The following VIRMA variants were observed in gnomAD, a reference collection of about 807,000 sequenced individuals.
VIRMA encodes protein virilizer homolog.
In VIRMA, 65 loss-of-function variants were observed where a neutral mutation model predicts 182.4. The ratio of observed to expected loss-of-function variants is 0.36; its 90% CI spans 0.29 to 0.44. The LOEUF is 0.44. Ranked by LOEUF, VIRMA falls within the 20% of genes least tolerant of loss-of-function variation. The probability of loss-of-function intolerance (pLI) is 1.00; values close to 1 mark genes in which losing one functional copy is unlikely to be tolerated. For missense variants in VIRMA, 1,752 were observed against 2,158.1 expected (o/e 0.81, Z 3.73); for synonymous variants, 709 against 743.1 (o/e 0.95, Z 0.75).
intron 3 of VIRMA, among the ~76,000 whole-genome samples, chr8:94,537,885 A>C (rs903408691): frequency 6.6e-6 from 1 of 152,226 alleles, no homozygotes; most frequent in Non-Finnish European, 1.5e-5. Flanking sequence ...ATGGAATTAT[A>C]AATTGCACAG....
chr8:94,510,953 A>G, intron 13 of VIRMA: 12 of 1,319,400 alleles, frequency 9.1e-6, no homozygotes, highest in Non-Finnish European at 1.2e-5. Context: ...TGTAAGTACA[A>G]ACATACATAA....
Position 94,512,010 on chromosome 8 carries a change from G to A in VIRMA, c.2831C>T (p.Pro944Leu), listed in dbSNP as rs141916557. The change falls in exon 12 of 24, where the codon CCA becomes CTA. Residue 944 changes from proline (P) to leucine (L), a missense_variant. Transcript: ENST00000297591. Reference sequence around the variant, plus strand: ...AGCCACATTACCTTCAACAGGAGGTGGTGGGCATGCAACATTACAGAGAAC... The same window carrying A: ...AGCCACATTACCTTCAACAGGAGGTAGTGGGCATGCAACATTACAGAGAAC... ...LRVLCNVACP[P>L]PPVEGQQKDL... is the part of the protein sequence containing the mutation. The A allele has an allele frequency of 6.5e-7, 1 of 1,526,986 alleles. No homozygotes were observed. The highest frequency in any genetic ancestry group is 8.8e-7 in the Non-Finnish European group (1 of 1,134,678). 94.6% of individuals were successfully genotyped at this position (1,526,986 alleles called of 1,614,324 possible).
At chr8:94,523,621 C>T (rs1453507709) in intron 8 of VIRMA, among the ~76,000 whole-genome samples, 8 of 152,038 alleles carry the variant, frequency 5.3e-5, no homozygotes, top group African/African-American at 1.2e-4. Flanking sequence ...CCCTATGTTG[C>T]CCAGGCTGGC....
intron 15 of VIRMA, 101 bp from the exon 16 acceptor site, chr8:94,506,818 C>A (rs947463123): frequency 1.5e-6 from 1 of 658,244 alleles, no homozygotes; most frequent in Non-Finnish European, 2.6e-6. Flanking sequence ...ATAACTATCT[C>A]ATTAAAATAT....
intron 15 of VIRMA, among the ~76,000 whole-genome samples, chr8:94,507,364 A>G (rs1425840020): frequency 2.6e-5 from 4 of 151,566 alleles, no homozygotes; most frequent in African/African-American, 9.7e-5. Flanking sequence ...TGAACTCCTG[A>G]CCTCAGGTGA....
intron 15 of VIRMA, among the ~76,000 whole-genome samples, chr8:94,509,393 C>T (rs1355124345): frequency 1.9e-4 from 29 of 150,180 alleles, no homozygotes; most frequent in Non-Finnish European, 3.8e-4. Flanking sequence ...CAGAATGAGA[C>T]CCCATCTCAA....
At chr8:94,552,751 G>A (rs1170521193) in intron 1 of VIRMA, among the ~76,000 whole-genome samples, 3 of 152,086 alleles carry the variant, frequency 2.0e-5, no homozygotes, top group Non-Finnish European at 4.4e-5. Context: ...AACCTCAAAG[G>A]AGATGTCTGC....
At chr8:94,531,322 A>G (rs1815165572) in intron 5 of VIRMA, among the ~76,000 whole-genome samples, 1 of 152,220 alleles carries the variant, frequency 6.6e-6, no homozygotes, top group African/African-American at 2.4e-5. Flanking sequence ...GTGTATACAC[A>G]GGCAGTCCTA....
At chr8:94,539,611 T>C (rs1474601801) in intron 2 of VIRMA, among the ~76,000 whole-genome samples, 3 of 152,182 alleles carry the variant, frequency 2.0e-5, no homozygotes, top group Non-Finnish European at 4.4e-5. Flanking sequence ...TATGCACTTC[T>C]GGTAGAAGCA....
intron 22 of VIRMA, among the ~76,000 whole-genome samples, chr8:94,490,371 T>C (rs149975692): frequency 5.3e-5 from 8 of 152,262 alleles, no homozygotes; most frequent in African/African-American, 1.7e-4. Flanking sequence ...CCTCATGGGG[T>C]TGACATGAGG....
At chr8:94,534,804 A>T in intron 5 of VIRMA, 35 bp downstream of exon 5, 1 of 1,603,446 alleles carries the variant, frequency 6.2e-7, no homozygotes, top group Non-Finnish European at 8.5e-7. Context: ...CACGGATATA[A>T]GTTTCACTTG....
intron 20 of VIRMA, 23 bp downstream of exon 20, chr8:94,494,837 A>T: frequency 7.8e-7 from 1 of 1,274,808 alleles, no homozygotes. Context: ...ACGTTTTTCT[A>T]AATATTTAGT....
intron 6 of VIRMA, among the ~76,000 whole-genome samples, chr8:94,529,640 A>G (rs966876921): frequency 6.6e-6 from 1 of 150,554 alleles, no homozygotes; most frequent in Non-Finnish European, 1.5e-5. Flanking sequence ...TATTATTTTT[A>G]TTTATTTTCT....
At chr8:94,550,715 T>G (rs1309384921) in intron 1 of VIRMA, among the ~76,000 whole-genome samples, 2 of 147,716 alleles carry the variant, frequency 1.4e-5, no homozygotes, top group African/African-American at 5.2e-5. Context: ...TTTTTATTTA[T>G]TTATGTATTT....
chr8:94,526,987 T>A lies in VIRMA; in HGVS notation c.1257A>T (p.Gln419His). Reference sequence around the variant, plus strand: ...GGGAGTCTTGTTTTGTGTTTTTCAATTGCAAATAGCTTAACCCTTTTATTA... The same window carrying A: ...GGGAGTCTTGTTTTGTGTTTTTCAAATGCAAATAGCTTAACCCTTTTATTA... ...SLIIKGLSYL[Q>H]LKNTKQDSLG... is the part of the protein sequence containing the mutation. Residue 419 changes from glutamine (Q) to histidine (H), a missense_variant, in exon 8 of 24, where the codon CAA becomes CAT. By Grantham distance (24) the Gln-to-His change is conservative. Around this residue, in one of 11 missense-constraint regions of VIRMA, gnomAD observed 401 missense variants for 455.1 expected, o/e 0.88. Coordinates refer to ENST00000297591, the MANE Select transcript of VIRMA (RefSeq NM_015496.5). 1 of 1,614,256 alleles carries A rather than the reference T, an allele frequency of 6.2e-7. No individual in the cohort carries two copies. Among genetic ancestry groups the A allele is most frequent in the Non-Finnish European group, 8.5e-7 (1 of 1,180,034 alleles).
chr8:94,509,139 G>A (rs750117562), intron 15 of VIRMA, among the ~76,000 whole-genome samples: 51 of 152,066 alleles, frequency 3.4e-4, no homozygotes, highest in African/African-American at 9.7e-4. Context: ...GGTGGCTCTC[G>A]TCTGTAATCC....
intron 8 of VIRMA, among the ~76,000 whole-genome samples, chr8:94,523,954 C>T (rs980624423): frequency 2.7e-5 from 4 of 150,670 alleles, no homozygotes; most frequent in East Asian, 3.9e-4. Flanking sequence ...CACCAAAGCC[C>T]GGCTAGTTTT....
chr8:94,503,269 G>A (rs1012329749), intron 16 of VIRMA, among the ~76,000 whole-genome samples: 4 of 152,160 alleles, frequency 2.6e-5, no homozygotes, highest in Non-Finnish European at 4.4e-5. Context: ...TTAAAAATGG[G>A]AAATTAATAA....
chr8:94,519,628 A>C, intron 8 of VIRMA, 152 bp from the exon 9 acceptor site: 1 of 731,580 alleles, frequency 1.4e-6, no homozygotes, highest in Non-Finnish European at 2.1e-6. Flanking sequence ...TGTGAGTGGC[A>C]AGTCTTCTCT....
Sources: gnomAD v4.1 joint callset for allele counts (sites outside exome capture counted in the v4.1 genomes callset) on GRCh38, gnomAD v4.1.1 for gene constraint, gnomAD v4.1.1 regional missense constraint, MANE v1.5 for transcripts, NCBI Gene and HGNC (gene_info 2026-07-23, HGNC 2026-07-21) for gene names.